Variants in GRID2 observed in about 807,000 individuals in gnomAD.
The protein encoded by GRID2 is glutamate receptor ionotropic, delta-2.
Under a neutral mutation model 114.8 loss-of-function variants are expected in GRID2, and 33 were observed. The ratio of observed to expected loss-of-function variants is 0.29; its 90% CI spans 0.22 to 0.38. The LOEUF (loss-of-function observed/expected upper bound fraction) is 0.38. Ranked by LOEUF, GRID2 falls within the 10% of genes least tolerant of loss-of-function variation. The probability of loss-of-function intolerance (pLI) is 1.00; values close to 1 mark genes in which losing one functional copy is unlikely to be tolerated. For missense variants in GRID2, 1,184 were observed against 1,257.7 expected, an observed-to-expected ratio of 0.94 and a Z score of 0.89; for synonymous variants, 505 against 449.9, an observed-to-expected ratio of 1.12 and a Z score of -1.55.
Position 92,633,377 on chromosome 4 carries a change from T to G in GRID2, c.244+43091T>G, listed in dbSNP as rs1422822384. Among the ~76,000 whole-genome samples, 5 of 152,078 alleles carry G rather than the reference T, an allele frequency of 3.3e-5. No individual in the cohort carries two copies. The East Asian group carries it at 9.7e-4, about 29-fold the overall frequency. ...TGCCTCTAAAAGAGCAAATGGTGCA[T>G]TTTAGAACTCCTGGGAGACACAACA... On this transcript the variant is annotated intron_variant, in intron 2 of 15. Coordinates refer to ENST00000282020, the MANE Select transcript of GRID2 (RefSeq NM_001510.4).
At chr4:93,055,772 G>T (rs140644301) in intron 2 of GRID2, among the ~76,000 whole-genome samples, 3 of 151,822 alleles carry the variant, frequency 2.0e-5, no homozygotes, top group African/African-American at 7.3e-5. Flanking sequence ...GTTCTTTTGG[G>T]TAGCATGATC....
chr4:92,801,348 T>C (rs1481063817), intron 2 of GRID2, among the ~76,000 whole-genome samples: 2 of 151,974 alleles, frequency 1.3e-5, no homozygotes, highest in African/African-American at 2.4e-5. Flanking sequence ...ATCATATGGA[T>C]GAAATTTTGT....
At chr4:92,447,935 C>A (rs1343745638) in intron 1 of GRID2, among the ~76,000 whole-genome samples, 9 of 152,120 alleles carry the variant, frequency 5.9e-5, no homozygotes, top group Admixed American at 5.9e-4. Flanking sequence ...TTCAAATATT[C>A]TGAACCCTTG....
chr4:92,837,261 T>C (rs1344945112), intron 2 of GRID2, among the ~76,000 whole-genome samples: 1 of 152,068 alleles, frequency 6.6e-6, no homozygotes, highest in African/African-American at 2.4e-5. Flanking sequence ...TTTGATACTT[T>C]TTAAGAGGCC....
At chr4:93,337,433 A>G (rs114303055) in intron 8 of GRID2, among the ~76,000 whole-genome samples, 2,004 of 152,312 alleles carry the variant, frequency 0.013, 31 homozygotes, top group Non-Finnish European at 0.019. Flanking sequence ...AGGAGCCCAC[A>G]TGAATGTTGA....
At chr4:92,354,780 T>G (rs1728235714) in intron 1 of GRID2, among the ~76,000 whole-genome samples, 1 of 151,986 alleles carries the variant, frequency 6.6e-6, no homozygotes, top group East Asian at 1.9e-4. Flanking sequence ...CAGTTAGAAT[T>G]AGCAGATACT....
chr4:93,191,447 T>A (rs1477595585), intron 4 of GRID2, among the ~76,000 whole-genome samples: 1 of 152,096 alleles, frequency 6.6e-6, no homozygotes, highest in Non-Finnish European at 1.5e-5. Flanking sequence ...TTGAACGTAA[T>A]TGAACCCACA....
At chr4:93,500,785 C>T (rs1578136608) in intron 12 of GRID2, among the ~76,000 whole-genome samples, 1 of 152,104 alleles carries the variant, frequency 6.6e-6, no homozygotes, top group South Asian at 2.1e-4. Flanking sequence ...ACTGGCAAGA[C>T]CCCTGGGTCA....
intron 14 of GRID2, among the ~76,000 whole-genome samples, chr4:93,653,577 C>T (rs576386995): frequency 2.0e-5 from 3 of 152,046 alleles, no homozygotes; most frequent in East Asian, 1.9e-4. Context: ...CCAGCCTTGA[C>T]GTCCCTGAAG....
chr4:93,478,339 A>C (rs1011335501), intron 11 of GRID2, among the ~76,000 whole-genome samples: 1 of 152,050 alleles, frequency 6.6e-6, no homozygotes, highest in African/African-American at 2.4e-5. Context: ...AGCATTTTTC[A>C]TATCTGCTCA....
chr4:93,163,396 A>ATATATG lies in GRID2; in HGVS notation c.736-44004_736-44003insTGTATA, dbSNP rs1553999494. On this transcript the variant is annotated intron_variant, in intron 4 of 15. Transcript: ENST00000282020. ...TATATATATATATATATATATATAT[A>ATATATG]TATACACTATATATATACATACATG... 9.8e-4 allele frequency among the ~76,000 whole-genome samples: 41 copies of ATATATG among 41,798 alleles called. 1 individual carries two copies. Among genetic ancestry groups the ATATATG allele is most frequent in the African/African-American group, 3.6e-3 (39 of 10,948 alleles). 27.4% of individuals were successfully genotyped at this position (41,798 alleles called of 152,430 possible).
intron 1 of GRID2, among the ~76,000 whole-genome samples, chr4:92,572,095 G>A (rs149736178): frequency 0.038 from 5,781 of 151,672 alleles, 128 homozygotes; most frequent in Middle Eastern, 0.089. Context: ...GAATCCAGGA[G>A]CTGGTTTTTT....
chr4:93,586,725 CCTT>C (rs1737571724), intron 13 of GRID2, among the ~76,000 whole-genome samples: 1 of 152,068 alleles, frequency 6.6e-6, no homozygotes. Context: ...GGATGCAAAA[CCTT>C]CTGTTCCACT....
At chr4:92,974,473 A>T (rs34609664) in intron 2 of GRID2, among the ~76,000 whole-genome samples, 1 of 151,890 alleles carries the variant, frequency 6.6e-6, no homozygotes, top group African/African-American at 2.4e-5. Flanking sequence ...TTAAGAAAAG[A>T]TGGCACATAT....
chr4:93,188,089 T>C (rs1049998350), intron 4 of GRID2, among the ~76,000 whole-genome samples: 12 of 152,206 alleles, frequency 7.9e-5, no homozygotes, highest in Non-Finnish European at 4.4e-5. Flanking sequence ...ACTTGCATGC[T>C]GAAGGCTGTA....
intron 1 of GRID2, among the ~76,000 whole-genome samples, chr4:92,503,519 GATT>G (rs1723795470): frequency 6.6e-6 from 1 of 152,002 alleles, no homozygotes; most frequent in East Asian, 1.9e-4. Context: ...TGAAGTATGT[GATT>G]ATTGTGATAA....
At chr4:93,075,330 C>A (rs1277347114) in intron 2 of GRID2, among the ~76,000 whole-genome samples, 1 of 152,132 alleles carries the variant, frequency 6.6e-6, no homozygotes, top group Non-Finnish European at 1.5e-5. Flanking sequence ...TTCTCAAACT[C>A]ATAAAGAGCA....
At chr4:92,609,673 G>A (rs563096339) in intron 2 of GRID2, among the ~76,000 whole-genome samples, 34 of 150,732 alleles carry the variant, frequency 2.3e-4, no homozygotes, top group African/African-American at 5.8e-4. Flanking sequence ...CTTTCTTCTC[G>A]TGACCACATT....
intron 2 of GRID2, among the ~76,000 whole-genome samples, chr4:92,862,650 T>C (rs1744605802): frequency 6.6e-6 from 1 of 152,092 alleles, no homozygotes; most frequent in African/African-American, 2.4e-5. Context: ...CTTTGTCAAA[T>C]GGAAAGTAAA....
Sources: allele counts gnomAD v4.1 joint callset (sites outside exome capture counted in the v4.1 genomes callset), GRCh38; gene constraint gnomAD v4.1.1; transcripts MANE v1.5; gene names NCBI Gene and HGNC (gene_info 2026-07-23, HGNC 2026-07-21).